The following MYH7 variants were observed in gnomAD, a reference collection of about 807,000 sequenced individuals.
The protein encoded by MYH7 is myosin-7.
Under a neutral mutation model 225.4 loss-of-function variants are expected in MYH7, and 129 were observed. That is an observed-to-expected ratio of 0.57 (90% CI 0.50 to 0.66). The LOEUF (loss-of-function observed/expected upper bound fraction) is 0.66, where lower values mean the gene tolerates loss of function less well. Ranked by LOEUF, MYH7 falls within the 30% of genes least tolerant of loss-of-function variation. MYH7 has a pLI of 0.00. For synonymous variants in MYH7, 971 were observed against 1,007.6 expected (o/e 0.96, Z 0.69); for missense variants, 1,649 against 2,517.0 (o/e 0.66, Z 7.38).
rs866601695 is a variant in MYH7, at chr14:23,431,682, A to T, written c.640-5T>A. The T allele has an allele frequency of 1.9e-6, 3 of 1,614,278 alleles. No homozygotes were observed. Among genetic ancestry groups the T allele is most frequent in the Middle Eastern group, 3.3e-4 (2 of 6,062 alleles). On this transcript the variant is annotated splice_polypyrimidine_tract_variant and splice_region_variant and intron_variant, in intron 7 of 39. Transcript: ENST00000355349. ...GATCTGGTCCTCCAGGGTGCCCTGCAGAGGCCAAGAAGGAGGCAGGTGAGA... is the reference window on the plus strand; with the variant it reads ...GATCTGGTCCTCCAGGGTGCCCTGCTGAGGCCAAGAAGGAGGCAGGTGAGA...
In MYH7 at chr14:23,412,748, A is replaced by G; in HGVS notation, c.*106T>C. ...AGTCTGGAGTCAGGATCTCGGCTTCAAGGAAAATTGCTTTATTCTGCTTCC... is the reference window on the plus strand; with the variant it reads ...AGTCTGGAGTCAGGATCTCGGCTTCGAGGAAAATTGCTTTATTCTGCTTCC... On this transcript the variant is annotated 3_prime_UTR_variant, in exon 40 of 40. Transcript: ENST00000355349. 1 of 1,391,504 alleles carries G rather than the reference A, an allele frequency of 7.2e-7. No individual in the cohort carries two copies. The highest frequency in any genetic ancestry group is 1.7e-5 in the Admixed American group (1 of 58,458). 86.2% of individuals were successfully genotyped at this position (1,391,504 alleles called of 1,614,324 possible).
In MYH7 at chr14:23,426,655, A is replaced by G. The variant is rs148878295; in HGVS notation, c.2044+122T>C. On this transcript the variant is annotated intron_variant, in intron 18 of 39. Coordinates refer to ENST00000355349, the MANE Select transcript of MYH7 (RefSeq NM_000257.4). ...GGTACCCTGGGAGGCCTCATGCGGG[A>G]TGGGAGGAGAAGAATGTGGTTTGGA... 7.0e-4 allele frequency: 624 copies of G among 891,654 alleles called. 2 individuals are homozygous for G. The African/African-American group carries it at 8.6e-3, about 12-fold the overall frequency. 55.2% of individuals were successfully genotyped at this position (891,654 alleles called of 1,614,324 possible).
Position 23,425,408 on chromosome 14 carries a change from T to A in MYH7, c.2297A>T (p.Lys766Met). The A allele has an allele frequency of 1.2e-6, 2 of 1,614,112 alleles. No homozygotes were observed. The highest frequency in any genetic ancestry group is 1.7e-6 in the Non-Finnish European group (2 of 1,180,012). The part of the protein sequence containing the change: ...YKFGHTKVFF[K>M]AGLLGLLEEM... ...CTCCAGCAGCCCCAGCAGCCCGGCC[T>A]TGAAGAACACCTGCAGGCAAGGTGT... is the stretch of plus-strand genomic sequence containing the variant. The change falls in exon 21 of 40, where the codon AAG (lysine) becomes ATG (methionine). Residue 766 changes from lysine (K) to methionine (M), a missense_variant. By Grantham distance (95) the Lys-to-Met change is moderately conservative. Transcript: ENST00000355349. This position sits in a 1 kb window ranked among gnomAD's most constrained non-coding sequence, Gnocchi z 4.6.
chr14:23,434,689 GACA>G (rs557651762), intron 1 of MYH7, among the ~76,000 whole-genome samples: 1 of 152,348 alleles, frequency 6.6e-6, no homozygotes, highest in African/African-American at 2.4e-5. Flanking sequence ...AAGAGCCCAT[GACA>G]ACAAGTGGGA....
rs1892178988 is a variant in MYH7, at chr14:23,415,842, A to G, written c.4954-10T>C. On this transcript the variant is annotated splice_polypyrimidine_tract_variant and intron_variant, in intron 34 of 39. Transcript: ENST00000355349. This position sits in a 1 kb window ranked among gnomAD's most constrained non-coding sequence, Gnocchi z 6.3. ...GCTGAATCTGGGTGTCCTGAGGATC[A>G]GGAGAGTGGGCATGAGCAGGGAGCC... 3 of 1,614,236 alleles carry G rather than the reference A, an allele frequency of 1.9e-6. No individual in the cohort carries two copies. The highest frequency in any genetic ancestry group is 2.5e-6 in the Non-Finnish European group (3 of 1,180,036).
intron 29 of MYH7, among the ~76,000 whole-genome samples, chr14:23,418,903 G>C (rs1447544907): frequency 6.6e-6 from 1 of 152,158 alleles, no homozygotes; most frequent in African/African-American, 2.4e-5. Flanking sequence ...ACATCCCCTA[G>C]CCGTGCCCGG....
rs45550632 is a variant in MYH7 at position 23,418,481 on chromosome 14, C to T, written c.3973-75G>A. On this transcript the variant is annotated intron_variant, in intron 29 of 39. Transcript: ENST00000355349. Reference sequence around the variant, plus strand: ...AACCCCACCCTTGCCCTTCTCCTCACCCCAATCTCAACATCATCCCTTGGC... The same window carrying T: ...AACCCCACCCTTGCCCTTCTCCTCATCCCAATCTCAACATCATCCCTTGGC... 0.073 allele frequency: 107,170 copies of T among 1,476,266 alleles called. 4,138 individuals carry two copies. The highest frequency in any genetic ancestry group is 0.096 in the South Asian group (7,189 of 74,734). 91.4% of individuals were successfully genotyped at this position (1,476,266 alleles called of 1,614,324 possible).
intron 24 of MYH7, 33 bp from the exon 25 acceptor site, chr14:23,422,358 C>G: frequency 6.2e-7 from 1 of 1,614,008 alleles, no homozygotes; most frequent in Non-Finnish European, 8.5e-7. Flanking sequence ...CCCAGTGAGG[C>G]AAAGCATCCT....
chr14:23,428,265 A>G (rs1203361825), intron 15 of MYH7, among the ~76,000 whole-genome samples: 1 of 152,176 alleles, frequency 6.6e-6, no homozygotes, highest in Non-Finnish European at 1.5e-5. Flanking sequence ...GTGGGAGGTC[A>G]TCATGCAGGT....
At position 23,415,407 on chromosome 14, in the gene MYH7, C is replaced by T. The variant is rs545585809; in HGVS notation, c.5257G>A (p.Glu1753Lys). The stretch of plus-strand genomic sequence containing the variant: ...TCCGTGATGGCCTTCTTGGCCTTCT[C>T]CTCAGCATTCCTGCACTCCTGCACT... ...EAVQECRNAE[E>K]KAKKAITDAA... Residue 1753 changes from glutamate (E) to lysine (K), a missense_variant, in exon 36 of 40, where the codon GAG becomes AAG. By Grantham distance (56) the Glu-to-Lys change is moderately conservative. Coordinates refer to ENST00000355349, the MANE Select transcript of MYH7 (RefSeq NM_000257.4). The surrounding 1 kb of genome is among the most constrained non-coding windows in gnomAD (Gnocchi z 6.3). The T allele has an allele frequency of 1.9e-6, 3 of 1,614,236 alleles. No homozygotes were observed. The highest frequency in any genetic ancestry group is 2.2e-5 in the East Asian group (1 of 44,884).
At chr14:23,417,831 G>T in intron 30 of MYH7, 145 bp from the exon 31 acceptor site, 1 of 1,179,194 alleles carries the variant, frequency 8.5e-7, no homozygotes, top group Non-Finnish European at 1.2e-6. Flanking sequence ...CAGGGGCCGA[G>T]AACATCAGGC....
At chr14:23,430,486 G>C (rs1892883276) in intron 11 of MYH7, 74 bp downstream of exon 11, 6 of 1,199,476 alleles carry the variant, frequency 5.0e-6, no homozygotes, top group Non-Finnish European at 7.4e-6. Flanking sequence ...CAGCGTCTTA[G>C]CTCTGCTTTT....
Position 23,423,532 on chromosome 14 carries a change from T to C in MYH7, c.3099+15A>G, listed in dbSNP as rs948605330. 6.2e-7 allele frequency: 1 copy of C among 1,610,822 alleles called. No homozygotes were observed. Among genetic ancestry groups the C allele is most frequent in the Non-Finnish European group, 8.5e-7 (1 of 1,178,674 alleles). ...ACATGGCATATCTAGGCCCCACAAC[T>C]CTCAATCTACTCACATCATCCACTT... On this transcript the variant is annotated intron_variant, in intron 24 of 39. Transcript: ENST00000355349.
At chr14:23,420,738 G>A (rs867664714) in intron 26 of MYH7, among the ~76,000 whole-genome samples, 24 of 152,194 alleles carry the variant, frequency 1.6e-4, no homozygotes, top group African/African-American at 5.5e-4. Flanking sequence ...CAGGAAGCCA[G>A]GAATTCTGCC....
intron 33 of MYH7, 62 bp downstream of exon 33, chr14:23,416,806 G>A (rs1298506456): frequency 6.2e-7 from 1 of 1,611,656 alleles, no homozygotes; most frequent in Non-Finnish European, 8.5e-7. Flanking sequence ...CGGGGGATGA[G>A]AACAGGGACC....
Position 23,419,617 on chromosome 14 carries a change from G to A in MYH7, c.3727-8C>T, listed in dbSNP as rs1892384390. Reference sequence around the variant, plus strand: ...CATCTTCTCCAGGTTAGCCTGAGAAGGGAAGGAGAGTTATATGATGGATGT... The same window carrying A: ...CATCTTCTCCAGGTTAGCCTGAGAAAGGAAGGAGAGTTATATGATGGATGT... On this transcript the variant is annotated splice_polypyrimidine_tract_variant and splice_region_variant and intron_variant, in intron 27 of 39. Transcript: ENST00000355349. 6.2e-7 allele frequency: 1 copy of A among 1,614,108 alleles called. No homozygotes were observed. The highest frequency in any genetic ancestry group is 1.3e-5 in the African/African-American group (1 of 75,018).
intron 15 of MYH7, among the ~76,000 whole-genome samples, 176 bp from the exon 16 acceptor site, chr14:23,428,070 T>G (rs992892989): frequency 3.2e-4 from 49 of 152,174 alleles, no homozygotes; most frequent in Admixed American, 1.3e-4. Flanking sequence ...GGATTTTGTC[T>G]GATGACAGAA....
In MYH7 at chr14:23,419,828, G is replaced by A. The variant is rs377463081; in HGVS notation, c.3726+17C>T. The A allele has an allele frequency of 4.3e-6, 7 of 1,613,870 alleles. No individual in the cohort carries two copies. The Admixed American group carries it at 6.7e-5, about 15-fold the overall frequency. ...GGGAGGAGGAAGTTGGAGGAGGGGA[G>A]GCCGAGCAGAGCCTGCCTTGGCCTT... On this transcript the variant is annotated intron_variant, in intron 27 of 39. Coordinates refer to ENST00000355349, the MANE Select transcript of MYH7 (RefSeq NM_000257.4).
Position 23,425,662 on chromosome 14 carries a change from TC to T in MYH7, c.2286+32del. On this transcript the variant is annotated intron_variant, in intron 20 of 39. Coordinates refer to ENST00000355349, the MANE Select transcript of MYH7 (RefSeq NM_000257.4). The surrounding 1 kb of genome is among the most constrained non-coding windows in gnomAD (Gnocchi z 4.6). ...CAGAGGAGTCAATGGAAAAGAGATG[TC>T]TTCCTTTAATTAATTAGTCTCCTTT... 6.2e-7 allele frequency: 1 copy of T among 1,613,814 alleles called. No individual in the cohort carries two copies. The highest frequency in any genetic ancestry group is 8.5e-7 in the Non-Finnish European group (1 of 1,179,778).
Sources: gnomAD v4.1 joint callset for allele counts (sites outside exome capture counted in the v4.1 genomes callset) on GRCh38, gnomAD v4.1.1 for gene constraint, Gnocchi (gnomAD v3.1) non-coding constraint, MANE v1.5 for transcripts, NCBI Gene and HGNC (gene_info 2026-07-23, HGNC 2026-07-21) for gene names.